The following RAP1B variants were observed in gnomAD, a reference collection of about 807,000 sequenced individuals.
RAP1B encodes the protein RAP1B, member of RAS oncogene family, also known as ras-related protein Rap-1b.
Under a neutral mutation model 27.5 loss-of-function variants are expected in RAP1B, and 1 was observed. The observed-to-expected ratio is 0.04, with a 90% CI of 0.01 to 0.17. The LOEUF is 0.17. Ranked by LOEUF, RAP1B falls within the 10% of genes least tolerant of loss-of-function variation. RAP1B has a pLI of 1.00. For missense variants in RAP1B, 84 were observed against 214.8 expected, an observed-to-expected ratio of 0.39 and a Z score of 3.81; for synonymous variants, 75 against 73.1, an observed-to-expected ratio of 1.03 and a Z score of -0.13.
intron 1 of RAP1B, among the ~76,000 whole-genome samples, chr12:68,640,835 A>C (rs1565667210): frequency 6.6e-6 from 1 of 152,188 alleles, no homozygotes; most frequent in Non-Finnish European, 1.5e-5. Context: ...TAGACAAAAA[A>C]AAAGCTACCC....
intron 5 of RAP1B, among the ~76,000 whole-genome samples, chr12:68,654,614 A>G (rs903794038): frequency 2.6e-5 from 4 of 151,692 alleles, no homozygotes; most frequent in African/African-American, 9.7e-5. Context: ...GGTAGCTGGG[A>G]CTACAGGCGC....
chr12:68,615,422 A>T (rs1377349759), intron 1 of RAP1B, among the ~76,000 whole-genome samples: 1 of 152,038 alleles, frequency 6.6e-6, no homozygotes, highest in Non-Finnish European at 1.5e-5. Flanking sequence ...ATCAGTATAC[A>T]ATTCAAAATA....
chr12:68,635,369 G>C (rs1245761372), intron 1 of RAP1B, among the ~76,000 whole-genome samples: 1 of 152,158 alleles, frequency 6.6e-6, no homozygotes, highest in African/African-American at 2.4e-5. Flanking sequence ...ATTACTTTTG[G>C]AGTTGGAGAT....
rs547275713 is a variant in RAP1B at position 68,660,948 on chromosome 12, G to A, written c.*1699G>A. ...GAGTGATGTGGATTAAGCACTTAGA[G>A]AATCGATATTTTTCTTAAATATGCT... On this transcript the variant is annotated 3_prime_UTR_variant, in exon 8 of 8. Transcript: ENST00000250559. The A allele has an allele frequency of 9.2e-5, 14 of 152,252 alleles. No individual in the cohort carries two copies. The East Asian group carries it at 2.3e-3, about 25-fold the overall frequency. The allele number at this position is 152,252 out of a possible 1,614,324, so 9.4% of individuals were successfully genotyped here.
At chr12:68,624,755 C>G (rs927045975) in intron 1 of RAP1B, 12 of 152,404 alleles carry the variant, frequency 7.9e-5, no homozygotes, top group Non-Finnish European at 1.8e-4. Flanking sequence ...GCAGAACTTG[C>G]AGTGAGCTGA....
chr12:68,639,648 C>G (rs1872858008), intron 1 of RAP1B, among the ~76,000 whole-genome samples: 1 of 152,122 alleles, frequency 6.6e-6, no homozygotes, highest in Non-Finnish European at 1.5e-5. Flanking sequence ...ATATCCTCCT[C>G]TAAAGAGCTG....
rs549794675 is a variant in RAP1B at position 68,669,935 on chromosome 12, C to CT, written c.*10706dup. Reference sequence around the variant, plus strand: ...GACAAAAATATATTTCTTTTTCTTTCTTTTTTTTTTTTTTTTTTTTGAGAC... The same window carrying CT: ...GACAAAAATATATTTCTTTTTCTTTCTTTTTTTTTTTTTTTTTTTTTGAGAC... On this transcript the variant is annotated 3_prime_UTR_variant, in exon 8 of 8. Transcript: ENST00000250559. 0.18 allele frequency: 18,636 copies of CT among 105,290 alleles called. 2,691 individuals carry two copies. The highest frequency in any genetic ancestry group is 0.41 in the South Asian group (1,289 of 3,138). The allele number at this position is 105,290 out of a possible 1,614,324, so 6.5% of individuals were successfully genotyped here.
At chr12:68,642,096 T>G (rs1873053338) in intron 1 of RAP1B, among the ~76,000 whole-genome samples, 1 of 152,194 alleles carries the variant, frequency 6.6e-6, no homozygotes, top group Admixed American at 6.5e-5. Flanking sequence ...GAGTCCCTCA[T>G]TAGTTGGTAT....
chr12:68,654,143 T>C lies in RAP1B; in HGVS notation c.215T>C (p.Met72Thr). ...EQFTAMRDLY[M>T]KNGQGFALVY... The stretch of plus-strand genomic sequence containing the variant: ...TTTACAGCAATGAGGGATTTATACA[T>C]GAAAAATGGACAAGGATTTGCATTA... The change falls in exon 5 of 8, where the codon ATG becomes ACG. Residue 72 changes from methionine to threonine, a missense_variant. Transcript: ENST00000250559. 6.3e-7 allele frequency: 1 copy of C among 1,598,934 alleles called. No homozygotes were observed. The highest frequency in any genetic ancestry group is 8.6e-7 in the Non-Finnish European group (1 of 1,166,658).
intron 1 of RAP1B, among the ~76,000 whole-genome samples, chr12:68,630,222 A>C (rs1253492711): frequency 1.3e-5 from 2 of 152,222 alleles, no homozygotes; most frequent in Non-Finnish European, 2.9e-5. Flanking sequence ...CTATAGTGCA[A>C]GTGTTGGCAA....
chr12:68,642,209 A>G (rs1873065218), intron 1 of RAP1B, among the ~76,000 whole-genome samples: 1 of 152,218 alleles, frequency 6.6e-6, no homozygotes, highest in Non-Finnish European at 1.5e-5. Flanking sequence ...TTAACTGTAC[A>G]GATAGTTTCA....
At chr12:68,653,708 C>A (rs1873986589) in intron 4 of RAP1B, among the ~76,000 whole-genome samples, 1 of 152,012 alleles carries the variant, frequency 6.6e-6, no homozygotes, top group Admixed American at 6.6e-5. Context: ...ACGGGCAGAT[C>A]ACAAGGTCAG....
At chr12:68,652,872 C>T (rs575547391) in intron 4 of RAP1B, among the ~76,000 whole-genome samples, 11 of 152,284 alleles carry the variant, frequency 7.2e-5, no homozygotes, top group Admixed American at 5.2e-4. Context: ...TACCATATTT[C>T]AAATAATACA....
At chr12:68,657,932 A>G (rs1269323458) in intron 7 of RAP1B, among the ~76,000 whole-genome samples, 2 of 150,690 alleles carry the variant, frequency 1.3e-5, no homozygotes, top group African/African-American at 4.9e-5. Flanking sequence ...TTTTCCTTCA[A>G]CTTTTAAGTT....
At position 68,666,425 on chromosome 12, in the gene RAP1B, T is replaced by TG. The variant is rs376440330; in HGVS notation, c.*7176_*7177insG. The TG allele has an allele frequency of 0.17, 26,591 of 152,122 alleles. 2,945 individuals carry two copies. The highest frequency in any genetic ancestry group is 0.43 in the South Asian group (2,081 of 4,810). 9.4% of individuals were successfully genotyped at this position (152,122 alleles called of 1,614,324 possible). ...GTGGCTTAAAGCAACAGAAATGTAC[T>TG]CTTTCACAGTTCTGAAGGTCGAAGT... On this transcript the variant is annotated 3_prime_UTR_variant, in exon 8 of 8. Transcript: ENST00000250559.
chr12:68,662,843 T>G lies in RAP1B; in HGVS notation c.*3594T>G, dbSNP rs1874675540. The G allele has an allele frequency of 6.6e-6, 1 of 152,050 alleles. No homozygotes were observed. Among genetic ancestry groups the G allele is most frequent in the Admixed American group, 6.6e-5 (1 of 15,250 alleles). 9.4% of individuals were successfully genotyped at this position (152,050 alleles called of 1,614,324 possible). On this transcript the variant is annotated 3_prime_UTR_variant, in exon 8 of 8. Coordinates refer to ENST00000250559, the MANE Select transcript of RAP1B (RefSeq NM_001010942.3). Reference sequence around the variant, plus strand: ...CCCATCTCTACAAAAAAAAATTTTTTTTTAATTAGCTGGGCATGGTGGTGC... The same window carrying G: ...CCCATCTCTACAAAAAAAAATTTTTGTTTAATTAGCTGGGCATGGTGGTGC...
chr12:68,646,870 T>C (rs1420236197), intron 1 of RAP1B, among the ~76,000 whole-genome samples: 1 of 152,208 alleles, frequency 6.6e-6, no homozygotes, highest in Non-Finnish European at 1.5e-5. Flanking sequence ...TTTTTCTAGT[T>C]TGTTTGTAAG....
At chr12:68,614,131 C>T (rs1870812255) in intron 1 of RAP1B, among the ~76,000 whole-genome samples, 2 of 152,150 alleles carry the variant, frequency 1.3e-5, no homozygotes, top group Admixed American at 1.3e-4. Context: ...TAAATGCAGT[C>T]CAAGATTTGG....
At chr12:68,648,422 T>A (rs1592460017) in intron 1 of RAP1B, among the ~76,000 whole-genome samples, 1 of 152,158 alleles carries the variant, frequency 6.6e-6, no homozygotes, top group Non-Finnish European at 1.5e-5. Flanking sequence ...TATGGCTGTG[T>A]TTGAGTAAAA....
Sources: allele counts gnomAD v4.1 joint callset (sites outside exome capture counted in the v4.1 genomes callset), GRCh38; gene constraint gnomAD v4.1.1; transcripts MANE v1.5; gene names NCBI Gene and HGNC (gene_info 2026-07-23, HGNC 2026-07-21).